EXOC6: variants seen among roughly 807,000 people sequenced by gnomAD.
EXOC6 encodes SEC15-like 1.
In EXOC6, 60 loss-of-function variants were observed where a neutral mutation model predicts 112.5. That is an observed-to-expected ratio of 0.53 (90% confidence interval 0.43 to 0.66). The LOEUF is 0.66. Ranked by LOEUF, EXOC6 falls within the 30% of genes least tolerant of loss-of-function variation. The pLI, the probability that EXOC6 is intolerant of heterozygous loss-of-function variation, is 0.00. For synonymous variants in EXOC6, 295 were observed against 308.0 expected (o/e 0.96, Z 0.44); for missense variants, 855 against 957.1 (o/e 0.89, Z 1.41).
At chr10:92,972,638 T>C (rs1842346910) in intron 17 of EXOC6, among the ~76,000 whole-genome samples, 1 of 152,184 alleles carries the variant, frequency 6.6e-6, no homozygotes, top group African/African-American at 2.4e-5. Flanking sequence ...AGGCCAAATC[T>C]ATCACCATGT....
intron 1 of EXOC6, among the ~76,000 whole-genome samples, chr10:92,839,403 T>G (rs943029163): frequency 3.3e-5 from 5 of 152,174 alleles, no homozygotes; most frequent in Admixed American, 1.3e-4. Flanking sequence ...TATTATCAAA[T>G]TCCTTGCACA....
In EXOC6 at chr10:92,974,155, G is replaced by C; in HGVS notation, c.1876G>C (p.Asp626His). The C allele has an allele frequency of 1.2e-6, 2 of 1,602,342 alleles. No homozygotes were observed. The highest frequency in any genetic ancestry group is 2.3e-5 in the South Asian group (2 of 87,638). The change falls in exon 18 of 22, where the codon GAT becomes CAT. Residue 626 changes from aspartate to histidine, a missense_variant. Coordinates refer to ENST00000260762, the MANE Select transcript of EXOC6 (RefSeq NM_019053.6). ...TTATGACTGGACAATGTCTGAGCCA[G>C]ATGGAAGAGCTAGTGGTTATTTAAT... ...ADYDWTMSEPDGRASGYLMDL... is the reference protein window; with the variant it reads ...ADYDWTMSEPHGRASGYLMDL...
chr10:93,026,426 A>G (rs1017276147), intron 20 of EXOC6, among the ~76,000 whole-genome samples: 2 of 152,162 alleles, frequency 1.3e-5, no homozygotes, highest in African/African-American at 4.8e-5. Context: ...TAGCCATTCC[A>G]GTGGCTGTGT....
chr10:92,931,707 T>C (rs1426161393), intron 9 of EXOC6, among the ~76,000 whole-genome samples: 1 of 151,878 alleles, frequency 6.6e-6, no homozygotes, highest in African/African-American at 2.4e-5. Flanking sequence ...AATTTTTTCG[T>C]CAGGGAAATG....
chr10:92,969,979 C>T (rs1842224424), intron 17 of EXOC6, among the ~76,000 whole-genome samples: 1 of 152,198 alleles, frequency 6.6e-6, no homozygotes, highest in African/African-American at 2.4e-5. Context: ...CAGATGTGAG[C>T]CACCGCACCT....
intron 13 of EXOC6, among the ~76,000 whole-genome samples, chr10:92,943,737 T>C (rs1564849825): frequency 1.3e-5 from 2 of 152,086 alleles, no homozygotes; most frequent in Non-Finnish European, 1.5e-5. Flanking sequence ...GTGCAAACAT[T>C]TAAAATCTAC....
At chr10:92,983,687 A>G (rs1842906204) in intron 18 of EXOC6, among the ~76,000 whole-genome samples, 2 of 152,084 alleles carry the variant, frequency 1.3e-5, no homozygotes, top group Admixed American at 1.3e-4. Flanking sequence ...TTGTAGTTTT[A>G]GTAGAGATGG....
chr10:93,049,758 A>G (rs1846194045), intron 20 of EXOC6, among the ~76,000 whole-genome samples: 1 of 152,052 alleles, frequency 6.6e-6, no homozygotes, highest in Non-Finnish European at 1.5e-5. Context: ...TTTTAATTGT[A>G]TGTCGAAACA....
At chr10:93,021,844 CAT>C (rs1196833969) in intron 20 of EXOC6, among the ~76,000 whole-genome samples, 10 of 152,254 alleles carry the variant, frequency 6.6e-5, no homozygotes, top group African/African-American at 1.2e-4. Context: ...TGAAATTTCT[CAT>C]GTGATATTTT....
chr10:92,890,746 A>G (rs773459228), intron 1 of EXOC6, among the ~76,000 whole-genome samples: 1 of 152,150 alleles, frequency 6.6e-6, no homozygotes, highest in African/African-American at 2.4e-5. Context: ...TAAGAAAGCC[A>G]TGAGGAGGCC....
At chr10:92,891,842 G>A (rs1849518587) in intron 1 of EXOC6, among the ~76,000 whole-genome samples, 1 of 152,130 alleles carries the variant, frequency 6.6e-6, no homozygotes. Context: ...ATTAGAGAGT[G>A]TATTCATTAA....
chr10:92,923,179 T>C (rs186910198), intron 8 of EXOC6, among the ~76,000 whole-genome samples: 98 of 152,304 alleles, frequency 6.4e-4, no homozygotes, highest in African/African-American at 2.3e-3. Flanking sequence ...TGCTCTGAAG[T>C]TGCAGTGTGG....
intron 20 of EXOC6, among the ~76,000 whole-genome samples, chr10:93,024,707 C>T (rs1433497288): frequency 5.3e-5 from 8 of 152,134 alleles, no homozygotes; most frequent in African/African-American, 9.7e-5. Context: ...TGTAAGCCAC[C>T]GTGCCTGGCC....
At chr10:92,830,310 T>G (rs1846453350), upstream of EXOC6, among the ~76,000 whole-genome samples, 1 of 152,154 alleles carries the variant, frequency 6.6e-6, no homozygotes, top group Non-Finnish European at 1.5e-5. Context: ...GGTGAGCGAC[T>G]GATGCAGTTT....
At chr10:92,976,017 C>A (rs1342797181) in intron 18 of EXOC6, among the ~76,000 whole-genome samples, 1 of 129,788 alleles carries the variant, frequency 7.7e-6, no homozygotes, top group African/African-American at 3.0e-5. Flanking sequence ...CCCCTCTGCC[C>A]GGCCAGCCGC....
chr10:93,049,390 G>GA (rs1846174052), intron 20 of EXOC6, among the ~76,000 whole-genome samples: 1 of 152,134 alleles, frequency 6.6e-6, no homozygotes, highest in East Asian at 1.9e-4. Flanking sequence ...AGCCAAAAAA[G>GA]ATAAATGTCC....
chr10:92,999,227 T>G (rs1473074613), intron 19 of EXOC6: 2 of 411,358 alleles, frequency 4.9e-6, no homozygotes, highest in African/African-American at 4.3e-5. Flanking sequence ...TTACAAGTTT[T>G]TTTTTTTTTT....
chr10:93,009,044 CCT>C (rs1844123289), intron 19 of EXOC6, among the ~76,000 whole-genome samples: 1 of 151,940 alleles, frequency 6.6e-6, no homozygotes, highest in African/African-American at 2.4e-5. Context: ...ACATAGTCCC[CCT>C]GTCTCTACAG....
chr10:93,057,081 T>G, intron 21 of EXOC6, 45 bp downstream of exon 21: 1 of 1,018,924 alleles, frequency 9.8e-7, no homozygotes, highest in Non-Finnish European at 1.4e-6. Flanking sequence ...TTAGCACCTT[T>G]TGATTCAGTG....
Sources: allele counts gnomAD v4.1 joint callset (sites outside exome capture counted in the v4.1 genomes callset), GRCh38; gene constraint gnomAD v4.1.1; transcripts MANE v1.5; gene names NCBI Gene and HGNC (gene_info 2026-07-23, HGNC 2026-07-21).